Variants in TRAF3IP1 observed in about 807,000 individuals in gnomAD.
TRAF3IP1 encodes intraflagellar transport 54.
In TRAF3IP1, 53 loss-of-function variants were observed where a neutral mutation model predicts 89.9. That is an observed-to-expected ratio of 0.59 (90% CI 0.47 to 0.74). The LOEUF (loss-of-function observed/expected upper bound fraction) is 0.74, where lower values mean the gene tolerates loss of function less well. TRAF3IP1 is among the 30% of genes least tolerant of loss of function. The probability of loss-of-function intolerance (pLI) is 0.00; values close to 1 mark genes in which losing one functional copy is unlikely to be tolerated. For missense variants in TRAF3IP1, 806 were observed against 866.1 expected (o/e 0.93, Z 0.87); for synonymous variants, 311 against 322.1 (o/e 0.97, Z 0.37).
At chr2:238,326,050 G>T in intron 3 of TRAF3IP1, 80 bp downstream of exon 3, 1 of 1,444,262 alleles carries the variant, frequency 6.9e-7, no homozygotes, top group Non-Finnish European at 9.4e-7. Context: ...TCACATGTGC[G>T]GGCGGTTTAG....
rs951771148 is a variant in TRAF3IP1, at chr2:238,325,012, A to G, written c.124-294A>G. 2.6e-5 allele frequency among the ~76,000 whole-genome samples: 4 copies of G among 151,948 alleles called. No homozygotes were observed. In the South Asian group the frequency reaches 8.3e-4, roughly 32 times the overall value. On this transcript the variant is annotated intron_variant, in intron 1 of 16. Transcript: ENST00000373327. ...ATTCCTCCAGGAAGGGTTCCCTGCC[A>G]CTCCTGCTCCCTCCCGGATTGTGGA... is the stretch of plus-strand genomic sequence containing the variant.
chr2:238,389,488 C>T (rs1304709607), intron 15 of TRAF3IP1, among the ~76,000 whole-genome samples: 3 of 151,914 alleles, frequency 2.0e-5, no homozygotes, highest in Non-Finnish European at 2.9e-5. Context: ...TGGCTCACAT[C>T]TGTAATCCCA....
Position 238,320,690 on chromosome 2 carries a change from C to A in TRAF3IP1, c.28C>A (p.Gln10Lys). The A allele has an allele frequency of 1.4e-6, 2 of 1,420,432 alleles. No homozygotes were observed. 88.0% of individuals were successfully genotyped at this position (1,420,432 alleles called of 1,614,324 possible). A position where few individuals can be genotyped will look rare whatever the true frequency, so the allele number is the denominator to read the frequency against. Residue 10 changes from glutamine (Q) to lysine (K), a missense_variant, in exon 1 of 17, where the codon CAG becomes AAG. Gln to Lys is a moderately conservative substitution (Grantham distance 53, BLOSUM62 1). Around this residue, in one of 3 missense-constraint regions of TRAF3IP1, gnomAD observed 732 missense variants for 780.5 expected, o/e 0.94. Coordinates refer to ENST00000373327, the MANE Select transcript of TRAF3IP1 (RefSeq NM_015650.4). MNAAVVRRT[Q>K]EALGKVIRRP... ...GAACGCGGCGGTGGTGAGGCGGACG[C>A]AGGAGGCGCTGGGGAAAGTGATTCG...
In TRAF3IP1 at chr2:238,325,394, C is replaced by T. The variant is rs1159276285; in HGVS notation, c.192+20C>T. On this transcript the variant is annotated intron_variant, in intron 2 of 16. Coordinates refer to ENST00000373327, the MANE Select transcript of TRAF3IP1 (RefSeq NM_015650.4). ...GTGAAGGTGGGTTTGAGTCGGGCTT[C>T]TCCTATTGACTCCTCGCCTTAACGG... The T allele has an allele frequency of 6.2e-7, 1 of 1,613,372 alleles. No homozygotes were observed.
At chr2:238,395,868 A>G (rs551046983) in intron 15 of TRAF3IP1, among the ~76,000 whole-genome samples, 2 of 152,296 alleles carry the variant, frequency 1.3e-5, no homozygotes, top group Admixed American at 6.5e-5. Flanking sequence ...TCATTAAAAA[A>G]TCAGGAAACA....
intron 15 of TRAF3IP1, among the ~76,000 whole-genome samples, chr2:238,391,952 CTT>C (rs1022949170): frequency 2.0e-5 from 3 of 152,144 alleles, no homozygotes; most frequent in African/African-American, 7.2e-5. Context: ...ATATTTTTCT[CTT>C]GGGAAGTAGC....
chr2:238,376,868 C>T lies in TRAF3IP1; in HGVS notation c.1690-20591C>T, dbSNP rs535539748. The stretch of plus-strand genomic sequence containing the variant: ...ATAGCAGCAAACACCTAATAGGGCA[C>T]GGTGTGCAGGCTCTGTTCTAAGACA... On this transcript the variant is annotated intron_variant, in intron 15 of 16. Coordinates refer to ENST00000373327, the MANE Select transcript of TRAF3IP1 (RefSeq NM_015650.4). 1.1e-4 allele frequency among the ~76,000 whole-genome samples: 17 copies of T among 152,304 alleles called. No individual in the cohort carries two copies. In the South Asian group the frequency reaches 3.3e-3, roughly 30 times the overall value.
At chr2:238,390,074 G>A (rs1233372315) in intron 15 of TRAF3IP1, among the ~76,000 whole-genome samples, 1 of 152,200 alleles carries the variant, frequency 6.6e-6, no homozygotes, top group Non-Finnish European at 1.5e-5. Flanking sequence ...CCAGAAGGCA[G>A]CTGAGTAAAC....
chr2:238,336,038 C>T (rs541307377), intron 7 of TRAF3IP1, among the ~76,000 whole-genome samples: 18 of 151,888 alleles, frequency 1.2e-4, no homozygotes, highest in Non-Finnish European at 1.3e-4. Context: ...GTGATCTGCC[C>T]GCCTCAGCCT....
chr2:238,378,694 G>A (rs552814701), intron 15 of TRAF3IP1, among the ~76,000 whole-genome samples: 12 of 152,198 alleles, frequency 7.9e-5, no homozygotes, highest in South Asian at 4.1e-4. Context: ...GGGACCCTGC[G>A]TTTTTTCCTG....
chr2:238,359,711 G>C (rs1699578563), intron 15 of TRAF3IP1, among the ~76,000 whole-genome samples: 1 of 152,106 alleles, frequency 6.6e-6, no homozygotes, highest in Non-Finnish European at 1.5e-5. Context: ...TGTTTTGACA[G>C]ATACTTTCAT....
intron 5 of TRAF3IP1, among the ~76,000 whole-genome samples, chr2:238,331,123 A>C (rs1698100042): frequency 6.6e-6 from 1 of 152,050 alleles, no homozygotes; most frequent in Non-Finnish European, 1.5e-5. Flanking sequence ...ACTGCTAATG[A>C]GGTGACTGGC....
chr2:238,398,381 T>C (rs1173583767), intron 16 of TRAF3IP1, among the ~76,000 whole-genome samples: 3 of 94,588 alleles, frequency 3.2e-5, no homozygotes, highest in Non-Finnish European at 6.2e-5. Flanking sequence ...GGAGCAGAGG[T>C]AGGGGTGTAG....
intron 15 of TRAF3IP1, among the ~76,000 whole-genome samples, chr2:238,375,017 T>A (rs375494028): frequency 5.8e-4 from 88 of 152,350 alleles, no homozygotes; most frequent in African/African-American, 1.9e-3. Context: ...GATTCTTCTC[T>A]CTTTTCTTCT....
intron 15 of TRAF3IP1, among the ~76,000 whole-genome samples, chr2:238,386,224 G>GT (rs1459308034): frequency 2.6e-5 from 4 of 152,226 alleles, no homozygotes; most frequent in African/African-American, 4.8e-5. Flanking sequence ...ACAGAGGGTT[G>GT]TTTCAGTGGC....
intron 15 of TRAF3IP1, among the ~76,000 whole-genome samples, chr2:238,381,309 G>A (rs1700541490): frequency 6.6e-6 from 1 of 152,112 alleles, no homozygotes; most frequent in African/African-American, 2.4e-5. Context: ...CTTTAGAAAA[G>A]TTTCTTTGGG....
chr2:238,350,229 G>A (rs1412468523), intron 12 of TRAF3IP1, among the ~76,000 whole-genome samples: 1 of 152,148 alleles, frequency 6.6e-6, no homozygotes, highest in South Asian at 2.1e-4. Context: ...AGACTAGAAA[G>A]TGGGAAAGGT....
intron 15 of TRAF3IP1, 107 bp from the exon 16 acceptor site, chr2:238,397,352 C>T: frequency 1.1e-6 from 1 of 913,832 alleles, no homozygotes; most frequent in Non-Finnish European, 1.7e-6. Flanking sequence ...ACTGTCTCTG[C>T]CTGCGCCTTT....
At chr2:238,335,570 T>C (rs1443403820) in intron 7 of TRAF3IP1, among the ~76,000 whole-genome samples, 1 of 152,142 alleles carries the variant, frequency 6.6e-6, no homozygotes, top group Non-Finnish European at 1.5e-5. Flanking sequence ...GACTCAAGAA[T>C]TCCACTCTTG....
Sources: gnomAD v4.1 joint callset for allele counts (sites outside exome capture counted in the v4.1 genomes callset) on GRCh38, gnomAD v4.1.1 for gene constraint, gnomAD v4.1.1 regional missense constraint, MANE v1.5 for transcripts, NCBI Gene and HGNC (gene_info 2026-07-23, HGNC 2026-07-21) for gene names.